ABCC5: variants seen among roughly 807,000 people sequenced by gnomAD.
ABCC5 encodes ATP binding cassette subfamily C member 5.
ABCC5 carries 61 observed loss-of-function variants against 160.9 expected under a neutral mutation model. The ratio of observed to expected loss-of-function variants is 0.38; its 90% CI spans 0.31 to 0.47. ABCC5 has a LOEUF of 0.47. ABCC5 is among the 20% of genes least tolerant of loss of function. ABCC5 has a pLI of 0.99. For missense variants in ABCC5, 1,308 were observed against 1,813.3 expected, an observed-to-expected ratio of 0.72 and a Z score of 5.06; for synonymous variants, 666 against 700.6, an observed-to-expected ratio of 0.95 and a Z score of 0.78.
intron 25 of ABCC5, among the ~76,000 whole-genome samples, chr3:183,941,364 C>T (rs1161482708): frequency 2.0e-5 from 3 of 152,056 alleles, no homozygotes; most frequent in African/African-American, 7.2e-5. Context: ...GGGAGAGTCA[C>T]CCTGCTTGGC....
In ABCC5 at chr3:183,963,463, C is replaced by A. The variant is rs2108821195; in HGVS notation, c.2157G>T (p.Val719=). The change falls in exon 15 of 30, where the codon GTG becomes GTT. Residue 719 remains valine (V), a synonymous_variant. Transcript: ENST00000334444. This position sits in a 1 kb window ranked among gnomAD's most constrained non-coding sequence, Gnocchi z 4.6. ...TAGCACTATTGAAGATGTGGTTGCC[C>A]ACATGGGCATCTAAGGCACTGAGGG... is the stretch of plus-strand genomic sequence containing the variant. The part of the protein sequence containing the change: ...DDPLSALDAH[V]GNHIFNSAIR... The A allele has an allele frequency of 6.2e-7, 1 of 1,614,226 alleles. No homozygotes were observed. The highest frequency in any genetic ancestry group is 2.2e-5 in the East Asian group (1 of 44,880).
intron 9 of ABCC5, among the ~76,000 whole-genome samples, 185 bp downstream of exon 9, chr3:183,978,314 ATTTT>A (rs11287890): frequency 3.3e-5 from 5 of 150,978 alleles, no homozygotes; most frequent in East Asian, 3.9e-4. Context: ...CATATGTGGT[ATTTT>A]TTTTTTGTTT....
At chr3:183,968,325 G>A (rs757929207) in intron 11 of ABCC5, among the ~76,000 whole-genome samples, 4 of 151,940 alleles carry the variant, frequency 2.6e-5, no homozygotes, top group African/African-American at 4.8e-5. Flanking sequence ...GGTCACGCTC[G>A]TCTCAAACTC....
intron 8 of ABCC5, 60 bp downstream of exon 8, chr3:183,981,667 T>A: frequency 6.3e-7 from 1 of 1,575,994 alleles, no homozygotes; most frequent in South Asian, 1.2e-5. Flanking sequence ...GTGTGAATTA[T>A]AAGACCCAAA....
chr3:183,983,233 A>G (rs937514260), intron 5 of ABCC5, among the ~76,000 whole-genome samples: 5 of 152,250 alleles, frequency 3.3e-5, no homozygotes, highest in Admixed American at 2.0e-4. Flanking sequence ...ACAGGACATC[A>G]TCAAAACCAT....
chr3:183,932,681 T>C (rs1440202051), intron 26 of ABCC5, among the ~76,000 whole-genome samples: 2 of 152,160 alleles, frequency 1.3e-5, no homozygotes, highest in South Asian at 2.1e-4. Flanking sequence ...ACAGGAATAA[T>C]GGCCAAGGGC....
Position 183,921,493 on chromosome 3 carries a change from G to T in ABCC5, c.4213-92C>A. On this transcript the variant is annotated intron_variant, in intron 29 of 29. Coordinates refer to ENST00000334444, the MANE Select transcript of ABCC5 (RefSeq NM_005688.4). This position sits in a 1 kb window ranked among gnomAD's most constrained non-coding sequence, Gnocchi z 4.1. ...GGCTCAGTAAGTGCCAGTGCCCTCT[G>T]AGGGTAGAATCTGGGGACAATTCAA... 8.3e-7 allele frequency: 1 copy of T among 1,202,526 alleles called. No individual in the cohort carries two copies. The highest frequency in any genetic ancestry group is 1.1e-6 in the Non-Finnish European group (1 of 879,408). 74.5% of individuals were successfully genotyped at this position (1,202,526 alleles called of 1,614,324 possible).
At position 184,017,123 on chromosome 3, in the gene ABCC5, C is replaced by T. The variant is rs1560065332; in HGVS notation, c.-56+707G>A. 6.6e-6 allele frequency among the ~76,000 whole-genome samples: 1 copy of T among 152,202 alleles called. No homozygotes were observed. Among genetic ancestry groups the T allele is most frequent in the Non-Finnish European group, 1.5e-5 (1 of 68,044 alleles). On this transcript the variant is annotated intron_variant, in intron 1 of 29. Transcript: ENST00000334444. This position sits in a 1 kb window ranked among gnomAD's most constrained non-coding sequence, Gnocchi z 4.5. ...CAAGACCTCCTGAAACTTTCCCCGT[C>T]GTTCCTGTGCCCACCTGCCTCCAGC...
intron 11 of ABCC5, among the ~76,000 whole-genome samples, 194 bp downstream of exon 11, chr3:183,971,369 G>A (rs1160936749): frequency 6.6e-6 from 1 of 152,156 alleles, no homozygotes; most frequent in Admixed American, 6.5e-5. Context: ...CATAAGATTA[G>A]TTGTTATTCA....
intron 2 of ABCC5, among the ~76,000 whole-genome samples, chr3:184,005,903 G>A (rs1354474829): frequency 9.4e-6 from 1 of 106,222 alleles, no homozygotes; most frequent in Non-Finnish European, 1.8e-5. Flanking sequence ...AAAGATTTAG[G>A]TACTTAAAAA....
At chr3:184,002,582 G>A (rs549436942) in intron 2 of ABCC5, among the ~76,000 whole-genome samples, 5 of 152,306 alleles carry the variant, frequency 3.3e-5, no homozygotes, top group East Asian at 3.9e-4. Flanking sequence ...GGGCGCTAAC[G>A]CCATCCTCAG....
intron 2 of ABCC5, among the ~76,000 whole-genome samples, chr3:183,999,515 C>CA (rs1168003325): frequency 1.3e-5 from 2 of 152,128 alleles, no homozygotes; most frequent in African/African-American, 4.8e-5. Context: ...TGCACTGGCT[C>CA]ACACCTGTAA....
rs999318313 is a variant in ABCC5, at chr3:183,982,728, A to G, written c.825+46T>C. ...CAGGGCCCTAGAGGAATGAACCTCAAGCTAGGAAGTTGCTCTCTGCTGTGA... is the reference window on the plus strand; with the variant it reads ...CAGGGCCCTAGAGGAATGAACCTCAGGCTAGGAAGTTGCTCTCTGCTGTGA... On this transcript the variant is annotated intron_variant, in intron 6 of 29. Transcript: ENST00000334444. The surrounding 1 kb of genome is among the most constrained non-coding windows in gnomAD (Gnocchi z 5.2). 5.6e-6 allele frequency: 9 copies of G among 1,609,886 alleles called. No homozygotes were observed. The highest frequency in any genetic ancestry group is 7.7e-6 in the Non-Finnish European group (9 of 1,176,414).
At chr3:183,993,360 T>G (rs966156193) in intron 2 of ABCC5, among the ~76,000 whole-genome samples, 1 of 151,798 alleles carries the variant, frequency 6.6e-6, no homozygotes, top group Non-Finnish European at 1.5e-5. Flanking sequence ...GGCACACACC[T>G]ATAGTCCCAG....
At chr3:183,978,480 C>G (rs1474579923) in intron 9 of ABCC5, 23 bp downstream of exon 9, 1 of 1,598,318 alleles carries the variant, frequency 6.3e-7, no homozygotes, top group Non-Finnish European at 8.5e-7. Context: ...TAAAATGTTC[C>G]CCATCCCTGA....
intron 10 of ABCC5, among the ~76,000 whole-genome samples, chr3:183,976,380 G>A (rs1165050884): frequency 1.3e-5 from 2 of 151,728 alleles, no homozygotes; most frequent in African/African-American, 2.4e-5. Flanking sequence ...TCAGCCCCCC[G>A]GGTAGCTAGG....
Position 183,982,602 on chromosome 3 carries a change from T to C in ABCC5, c.848A>G (p.Asp283Gly). 6.2e-7 allele frequency: 1 copy of C among 1,614,072 alleles called. No homozygotes were observed. Among genetic ancestry groups the C allele is most frequent in the Non-Finnish European group, 8.5e-7 (1 of 1,180,004 alleles). Reference protein sequence around the residue: ...LGELINICSNDGQRMFEAAAV... With the variant: ...LGELINICSNGGQRMFEAAAV... ...TGCTGCCTCAAACATTCTCTGCCCATCGTTGGAGCAAATGTTGATGAGCTA... is the reference window on the plus strand; with the variant it reads ...TGCTGCCTCAAACATTCTCTGCCCACCGTTGGAGCAAATGTTGATGAGCTA... Residue 283 changes from aspartate to glycine, a missense_variant, in exon 7 of 30, where the codon GAT (aspartate) becomes GGT (glycine). Coordinates refer to ENST00000334444, the MANE Select transcript of ABCC5 (RefSeq NM_005688.4). The surrounding 1 kb of genome is among the most constrained non-coding windows in gnomAD (Gnocchi z 5.2).
At chr3:183,989,459 GC>G (rs1719541132) in intron 2 of ABCC5, 76 bp from the exon 3 acceptor site, 1 of 1,483,682 alleles carries the variant, frequency 6.7e-7, no homozygotes, top group Non-Finnish European at 9.2e-7. Context: ...TGATGAAACA[GC>G]TCAAACTGCA....
At chr3:183,970,939 A>T (rs1717682164) in intron 11 of ABCC5, among the ~76,000 whole-genome samples, 1 of 152,152 alleles carries the variant, frequency 6.6e-6, no homozygotes, top group South Asian at 2.1e-4. Context: ...TGAATGAATG[A>T]ATATATACAC....
Sources: gnomAD v4.1 joint callset for allele counts (sites outside exome capture counted in the v4.1 genomes callset) on GRCh38, gnomAD v4.1.1 for gene constraint, Gnocchi (gnomAD v3.1) non-coding constraint, MANE v1.5 for transcripts, NCBI Gene and HGNC (gene_info 2026-07-23, HGNC 2026-07-21) for gene names.